The following PTPN23 variants were observed in gnomAD, a reference collection of about 807,000 sequenced individuals.
The protein encoded by PTPN23 is tyrosine-protein phosphatase non-receptor type 23.
Under a neutral mutation model 156.3 loss-of-function variants are expected in PTPN23, and 72 were observed. That is an observed-to-expected ratio of 0.46 (90% CI 0.38 to 0.56). The LOEUF (loss-of-function observed/expected upper bound fraction) is 0.56. PTPN23 is among the 20% of genes least tolerant of loss of function. The probability of loss-of-function intolerance (pLI) is 0.00; values close to 1 mark genes in which losing one functional copy is unlikely to be tolerated. For synonymous variants in PTPN23, 957 were observed against 899.6 expected (o/e 1.06, Z -1.14); for missense variants, 1,974 against 2,171.5 (o/e 0.91, Z 1.81).
Position 47,412,201 on chromosome 3 carries a change from A to AC in PTPN23, c.4178+3_4178+4insC, listed in dbSNP as rs745562286. The AC allele has an allele frequency of 2.5e-6, 4 of 1,613,128 alleles. No individual in the cohort carries two copies. Among genetic ancestry groups the AC allele is most frequent in the Non-Finnish European group, 3.4e-6 (4 of 1,180,022 alleles). ...ACGCCCATCATTGTGCACTGCAGGT[A>AC]GAGGGTGGGCCTGAGGGTCTCTCCT... On this transcript the variant is annotated splice_donor_region_variant and intron_variant, in intron 22 of 24. Transcript: ENST00000265562.
rs753876319 is a variant in PTPN23 at position 47,409,700 on chromosome 3, T to C, written c.1995T>C (p.Tyr665=). 3 of 1,609,138 alleles carry C rather than the reference T, an allele frequency of 1.9e-6. No individual in the cohort carries two copies. Among genetic ancestry groups the C allele is most frequent in the African/African-American group, 2.7e-5 (2 of 74,910 alleles). The change falls in exon 19 of 25, where the codon TAT becomes TAC. Residue 665 remains tyrosine (Y), a synonymous_variant. Transcript: ENST00000265562. ...LQTLVASYEA[Y]EDLMKKSQEG... ...CCCTGGTGGCCTCGTATGAAGCCTA[T>C]GAGGACCTGATGAAGAAGTCGCAGG...
intron 2 of PTPN23, among the ~76,000 whole-genome samples, chr3:47,399,873 C>T (rs1704957073): frequency 6.6e-6 from 1 of 152,156 alleles, no homozygotes; most frequent in Non-Finnish European, 1.5e-5. Context: ...GGCTGGGGTG[C>T]AGTCTATCTT....
At position 47,411,695 on chromosome 3, in the gene PTPN23, A is replaced by G. The variant is rs1283789767; in HGVS notation, c.3888+9A>G. 3 of 1,596,396 alleles carry G rather than the reference A, an allele frequency of 1.9e-6. No individual in the cohort carries two copies. The highest frequency in any genetic ancestry group is 2.6e-6 in the Non-Finnish European group (3 of 1,167,678). ...AGGCTGAGATGGAGAAGGTGAGAAGAGGGGGTGGGTGCCCACGAGGGCAGT... is the reference window on the plus strand; with the variant it reads ...AGGCTGAGATGGAGAAGGTGAGAAGGGGGGGTGGGTGCCCACGAGGGCAGT... On this transcript the variant is annotated intron_variant, in intron 20 of 24. Coordinates refer to ENST00000265562, the MANE Select transcript of PTPN23 (RefSeq NM_015466.4). This position sits in a 1 kb window ranked among gnomAD's most constrained non-coding sequence, Gnocchi z 6.3.
Position 47,406,568 on chromosome 3 carries a change from A to C in PTPN23, c.715A>C (p.Lys239Gln). ...LLGRIQKDWK[K>Q]LVQMKIYYFA... ...GGGCCGGATCCAGAAGGACTGGAAG[A>C]AACTTGTGCAGATGAAGATCTACTA... is the stretch of plus-strand genomic sequence containing the variant. Residue 239 changes from lysine to glutamine, a missense_variant, in exon 8 of 25, where the codon AAA (lysine) becomes CAA (glutamine). By Grantham distance (53) the Lys-to-Gln change is moderately conservative. Around this residue, in one of 4 missense-constraint regions of PTPN23, gnomAD observed 726 missense variants for 929.5 expected, o/e 0.78. Transcript: ENST00000265562. The surrounding 1 kb of genome is among the most constrained non-coding windows in gnomAD (Gnocchi z 5.8). 6.2e-7 allele frequency: 1 copy of C among 1,614,018 alleles called. No homozygotes were observed. Among genetic ancestry groups the C allele is most frequent in the Non-Finnish European group, 8.5e-7 (1 of 1,180,020 alleles).
intron 2 of PTPN23, among the ~76,000 whole-genome samples, chr3:47,396,857 T>C (rs1166126192): frequency 6.6e-6 from 1 of 152,082 alleles, no homozygotes; most frequent in South Asian, 2.1e-4. Flanking sequence ...GCCCAGGAGG[T>C]TGGGACTGCA....
Position 47,405,093 on chromosome 3 carries a change from G to C in PTPN23, c.364+12G>C, listed in dbSNP as rs778221969. 1.2e-6 allele frequency: 2 copies of C among 1,613,636 alleles called. No individual in the cohort carries two copies. Among genetic ancestry groups the C allele is most frequent in the African/African-American group, 1.3e-5 (1 of 75,042 alleles). On this transcript the variant is annotated intron_variant, in intron 4 of 24. Transcript: ENST00000265562. The surrounding 1 kb of genome is among the most constrained non-coding windows in gnomAD (Gnocchi z 4.7). ...TCTCTACAACCTTGGTGAGCTGCCT[G>C]ATCCCTTCCCCCGGCCCTACTCCCC...
intron 2 of PTPN23, among the ~76,000 whole-genome samples, chr3:47,399,033 A>G (rs944047128): frequency 6.6e-5 from 10 of 152,246 alleles, no homozygotes; most frequent in African/African-American, 2.4e-4. Context: ...AAAAGATGCC[A>G]GGCCTTTAGA....
rs1705267902 is a variant in PTPN23 at position 47,410,914 on chromosome 3, C to G, written c.3116C>G (p.Pro1039Arg). 1 of 1,611,854 alleles carries G rather than the reference C, an allele frequency of 6.2e-7. No individual in the cohort carries two copies. The part of the protein sequence containing the change: ...AHSGALPFPS[P>R]GPPQPPHPPL... The stretch of plus-strand genomic sequence containing the variant: ...TCAGGGGCTCTGCCTTTCCCCAGCC[C>G]TGGGCCCCCTCAGCCTCCCCATCCC... Residue 1039 changes from proline to arginine, a missense_variant, in exon 20 of 25, where the codon CCT becomes CGT. Pro to Arg is a moderately radical substitution (Grantham distance 103). Transcript: ENST00000265562.
In PTPN23 at chr3:47,412,500, A is replaced by C. The variant is rs1705340038; in HGVS notation, c.4318-14A>C. Reference sequence around the variant, plus strand: ...GCCCCTGCCCAGCTGACCTGGCCAAATGCACCTGTGCAGCTGCACCTCAGG... The same window carrying C: ...GCCCCTGCCCAGCTGACCTGGCCAACTGCACCTGTGCAGCTGCACCTCAGG... On this transcript the variant is annotated splice_polypyrimidine_tract_variant and intron_variant, in intron 23 of 24. Coordinates refer to ENST00000265562, the MANE Select transcript of PTPN23 (RefSeq NM_015466.4). 6.2e-7 allele frequency: 1 copy of C among 1,612,494 alleles called. No homozygotes were observed. The highest frequency in any genetic ancestry group is 1.7e-5 in the Admixed American group (1 of 59,958).
rs1300556929 is a variant in PTPN23, at chr3:47,410,840, A to G, written c.3042A>G (p.Leu1014=). 6.6e-7 allele frequency: 1 copy of G among 1,512,388 alleles called. No homozygotes were observed. Among genetic ancestry groups the G allele is most frequent in the African/African-American group, 1.9e-5 (1 of 52,130 alleles). 93.7% of individuals were successfully genotyped at this position (1,512,388 alleles called of 1,614,324 possible). ...PGVLGQPPPP[L]HTQLYPGPAQ... ...TCCTGGGGCAGCCGCCACCCCCCCT[A>G]CACACCCAGCTCTACCCAGGTCCCG... is the stretch of plus-strand genomic sequence containing the variant. The change falls in exon 20 of 25, where the codon CTA becomes CTG. Residue 1014 remains leucine, a synonymous_variant. Coordinates refer to ENST00000265562, the MANE Select transcript of PTPN23 (RefSeq NM_015466.4).
At chr3:47,386,433 T>C (rs2107692111) in intron 1 of PTPN23, among the ~76,000 whole-genome samples, 1 of 152,324 alleles carries the variant, frequency 6.6e-6, no homozygotes, top group East Asian at 1.9e-4. Flanking sequence ...CCCAAAGTGT[T>C]GGGATTACAG....
chr3:47,410,689 C>T lies in PTPN23; in HGVS notation c.2891C>T (p.Ser964Leu). The change falls in exon 20 of 25, where the codon TCA (serine) becomes TTA (leucine). Residue 964 changes from serine to leucine, a missense_variant. This residue lies in a region of PTPN23 where 731 missense variants were observed against 669.1 expected (regional missense o/e 1.09). Transcript: ENST00000265562. ...CAGCCCCATCCTCAGCCCCATCCTT[C>T]ACAAGCGTTTGGGCCTCAGCCCCCA... ...QPQPHPQPHP[S>L]QAFGPQPPQQ... 1 of 1,607,610 alleles carries T rather than the reference C, an allele frequency of 6.2e-7. No individual in the cohort carries two copies. The highest frequency in any genetic ancestry group is 1.1e-5 in the South Asian group (1 of 90,524).
chr3:47,404,671 G>T lies in PTPN23; in HGVS notation c.179G>T (p.Arg60Leu). Residue 60 changes from arginine to leucine, a missense_variant, in exon 3 of 25, where the codon CGA becomes CTA. Transcript: ENST00000265562. ...LLRQNAVRVPRDFEGCSVLRK... is the reference protein window; with the variant it reads ...LLRQNAVRVPLDFEGCSVLRK... ...CCCCAGAATGCTGTCCGTGTCCCAC[G>T]AGACTTTGAGGGCTGTAGTGTCCTC... The T allele has an allele frequency of 6.2e-7, 1 of 1,613,846 alleles. No homozygotes were observed. Among genetic ancestry groups the T allele is most frequent in the Non-Finnish European group, 8.5e-7 (1 of 1,179,948 alleles).
In PTPN23 at chr3:47,407,292, T is replaced by C; in HGVS notation, c.865-17T>C. On this transcript the variant is annotated splice_polypyrimidine_tract_variant and intron_variant, in intron 10 of 24. Coordinates refer to ENST00000265562, the MANE Select transcript of PTPN23 (RefSeq NM_015466.4). This position sits in a 1 kb window ranked among gnomAD's most constrained non-coding sequence, Gnocchi z 4.0. ...TTGGTTAGTGCTAAGGCCCCACCCC[T>C]GTCCCTAACCCCACAGGGCCAGCCT... is the stretch of plus-strand genomic sequence containing the variant. 1.2e-6 allele frequency: 2 copies of C among 1,613,370 alleles called. No homozygotes were observed. The highest frequency in any genetic ancestry group is 1.3e-5 in the African/African-American group (1 of 74,992).
intron 1 of PTPN23, among the ~76,000 whole-genome samples, chr3:47,383,640 T>C (rs1704594976): frequency 6.6e-6 from 1 of 152,266 alleles, no homozygotes; most frequent in African/African-American, 2.4e-5. Flanking sequence ...GGGAATGCAG[T>C]AGATAAAATC....
rs747929425 is a variant in PTPN23, at chr3:47,409,155, G to C, written c.1643-8G>C. On this transcript the variant is annotated splice_polypyrimidine_tract_variant and splice_region_variant and intron_variant, in intron 16 of 24. Transcript: ENST00000265562. The stretch of plus-strand genomic sequence containing the variant: ...TTCTCTGGCCTCACTGACCACTGCT[G>C]CCCACAGAGGACAAGGCCGTGCTGC... 6.2e-7 allele frequency: 1 copy of C among 1,612,160 alleles called. No individual in the cohort carries two copies. The highest frequency in any genetic ancestry group is 1.1e-5 in the South Asian group (1 of 90,906).
chr3:47,391,032 G>C (rs1704762628), intron 1 of PTPN23, among the ~76,000 whole-genome samples: 1 of 152,092 alleles, frequency 6.6e-6, no homozygotes. Context: ...ATTGCTTGAG[G>C]CTAGAAGTTC....
chr3:47,389,767 G>C (rs571825867), intron 1 of PTPN23, among the ~76,000 whole-genome samples: 102 of 151,966 alleles, frequency 6.7e-4, no homozygotes, highest in African/African-American at 1.6e-3. Context: ...GTGAACCCGG[G>C]GGGGTGGAGC....
Position 47,407,192 on chromosome 3 carries a change from G to A in PTPN23, c.864+6G>A. 2.5e-6 allele frequency: 4 copies of A among 1,614,026 alleles called. No homozygotes were observed. Among genetic ancestry groups the A allele is most frequent in the Non-Finnish European group, 3.4e-6 (4 of 1,179,952 alleles). On this transcript the variant is annotated splice_donor_region_variant and intron_variant, in intron 10 of 24. Transcript: ENST00000265562. This position sits in a 1 kb window ranked among gnomAD's most constrained non-coding sequence, Gnocchi z 4.0. ...AAGCCATCAAGTTGGCCAAGGTAAA[G>A]CTGAGGAAGGCCTGGCTGCCCTGAG...
Sources: gnomAD v4.1 joint callset for allele counts (sites outside exome capture counted in the v4.1 genomes callset) on GRCh38, gnomAD v4.1.1 for gene constraint, gnomAD v4.1.1 regional missense constraint, Gnocchi (gnomAD v3.1) non-coding constraint, MANE v1.5 for transcripts, NCBI Gene and HGNC (gene_info 2026-07-23, HGNC 2026-07-21) for gene names.